The following TTC3 variants were observed in gnomAD, a reference collection of about 807,000 sequenced individuals.
TTC3 encodes the protein E3 ubiquitin-protein ligase TTC3.
TTC3 carries 180 observed loss-of-function variants against 249.6 expected under a neutral mutation model. The observed-to-expected ratio is 0.72, with a 90% CI of 0.64 to 0.82. The LOEUF is 0.82. Among genes scored for constraint, TTC3 ranks in the 40% least tolerant of loss-of-function variants. The pLI, the probability that TTC3 is intolerant of heterozygous loss-of-function variation, is 0.00. For synonymous variants in TTC3, 717 were observed against 805.0 expected, an observed-to-expected ratio of 0.89 and a Z score of 1.85; for missense variants, 2,061 against 2,398.4, an observed-to-expected ratio of 0.86 and a Z score of 2.94.
intron 39 of TTC3, among the ~76,000 whole-genome samples, chr21:37,190,130 CTTTTTTTTTTTTTT>C (rs138862573): frequency 4.6e-5 from 3 of 65,048 alleles, no homozygotes; most frequent in Non-Finnish European, 8.3e-5. Flanking sequence ...CTTTTTCTTT[CTTTTTTTTTTTTTT>C]TTTTTTTTTT....
intron 1 of TTC3, among the ~76,000 whole-genome samples, chr21:37,077,954 T>C (rs1035529880): frequency 6.6e-6 from 1 of 152,208 alleles, no homozygotes; most frequent in Non-Finnish European, 1.5e-5. Flanking sequence ...TGTTTCTTTT[T>C]AGAGGTTTTA....
chr21:37,166,226 G>A (rs757861146), exon 33 of TTC3: 20 of 1,613,974 alleles, frequency 1.2e-5, no homozygotes, highest in Non-Finnish European at 1.4e-5. Context: ...ATACATAAAC[G>A]TGTTACCAGG....
At chr21:37,080,317 T>G (rs2071454698) in intron 1 of TTC3, among the ~76,000 whole-genome samples, 1 of 152,144 alleles carries the variant, frequency 6.6e-6, no homozygotes, top group African/African-American at 2.4e-5. Flanking sequence ...TGTTTTCCTT[T>G]AATTATCGAT....
At chr21:37,183,455 A>G (rs542704623) in intron 36 of TTC3, among the ~76,000 whole-genome samples, 2 of 152,126 alleles carry the variant, frequency 1.3e-5, no homozygotes, top group Non-Finnish European at 2.9e-5. Flanking sequence ...CTTAACAGTG[A>G]TAGGTCAAAT....
chr21:37,098,951 G>A (rs1346627307), intron 10 of TTC3: 2 of 152,078 alleles, frequency 1.3e-5, no homozygotes, highest in Non-Finnish European at 2.9e-5. Context: ...GGGACAGCTG[G>A]GGGTAAAGCA....
At chr21:37,141,415 C>CCCA (rs1555887998) in intron 20 of TTC3, among the ~76,000 whole-genome samples, 2,005 of 151,694 alleles carry the variant, frequency 0.013, 60 homozygotes, top group African/African-American at 0.047. Flanking sequence ...TGGGGAATCC[C>CCCA]CCCCCCAGCC....
chr21:37,082,714 G>GA, intron 1 of TTC3: 1 of 817,072 alleles, frequency 1.2e-6, no homozygotes, highest in Non-Finnish European at 1.5e-6. Context: ...TCCAAAAAGT[G>GA]TTTTTTTTTT....
intron 7 of TTC3, 25 bp from the exon 8 acceptor site, chr21:37,093,980 G>C: frequency 6.9e-7 from 1 of 1,439,904 alleles, no homozygotes; most frequent in Non-Finnish European, 9.7e-7. Flanking sequence ...GTTCTCTCTT[G>C]CTCTCTCCTA....
chr21:37,124,314 A>G (rs570792735), intron 13 of TTC3, among the ~76,000 whole-genome samples: 1 of 151,446 alleles, frequency 6.6e-6, no homozygotes, highest in Admixed American at 6.6e-5. Flanking sequence ...CGGGGGTCTC[A>G]CCATGTTGGC....
intron 34 of TTC3, among the ~76,000 whole-genome samples, chr21:37,171,495 A>G (rs1047545848): frequency 5.9e-5 from 9 of 152,224 alleles, no homozygotes; most frequent in Non-Finnish European, 2.9e-5. Context: ...TAGAGGTGGC[A>G]TTTAGCTTCC....
chr21:37,116,833 AT>A (rs35581797), intron 11 of TTC3, among the ~76,000 whole-genome samples: 132 of 151,470 alleles, frequency 8.7e-4, no homozygotes, highest in South Asian at 4.0e-3. Flanking sequence ...AAATAAATAA[AT>A]TTTTTTTTAA....
At chr21:37,118,770 C>T (rs951620231) in intron 11 of TTC3, among the ~76,000 whole-genome samples, 11 of 152,140 alleles carry the variant, frequency 7.2e-5, no homozygotes, top group Admixed American at 1.3e-4. Flanking sequence ...CTGATTTTTA[C>T]ATGGATTCTC....
chr21:37,119,113 G>C (rs2147857107), intron 11 of TTC3, among the ~76,000 whole-genome samples: 1 of 152,256 alleles, frequency 6.6e-6, no homozygotes, highest in South Asian at 2.1e-4. Flanking sequence ...ATTTTACCTT[G>C]TTTGGTGCTG....
At chr21:37,095,256 G>T in intron 8 of TTC3, 94 bp from the exon 9 acceptor site, 5 of 711,194 alleles carry the variant, frequency 7.0e-6, no homozygotes, top group East Asian at 2.8e-5. Context: ...TTCTGATATC[G>T]AAGATAGAAA....
exon 33 of TTC3, chr21:37,165,695 C>T (rs1417392246): frequency 2.5e-6 from 4 of 1,613,700 alleles, no homozygotes; most frequent in East Asian, 2.2e-5. Flanking sequence ...GGGATGCCCT[C>T]GTTTTGTTGT....
At chr21:37,109,783 C>T (rs2075467106) in intron 11 of TTC3, among the ~76,000 whole-genome samples, 2 of 152,234 alleles carry the variant, frequency 1.3e-5, no homozygotes, top group Non-Finnish European at 2.9e-5. Flanking sequence ...TCCCTGACCC[C>T]CGAGTAGCCT....
chr21:37,144,723 A>G, intron 21 of TTC3, 78 bp downstream of exon 21: 1 of 1,525,450 alleles, frequency 6.6e-7, no homozygotes, highest in South Asian at 1.3e-5. Flanking sequence ...CAGGAGGCGG[A>G]GAGGTAGGAG....
chr21:37,142,011 T>C (rs2078517269), intron 20 of TTC3, among the ~76,000 whole-genome samples: 1 of 152,164 alleles, frequency 6.6e-6, no homozygotes, highest in South Asian at 2.1e-4. Flanking sequence ...CGCATGATTA[T>C]CTCAATAGAT....
rs58371833 is a variant in TTC3 at position 37,175,315 on chromosome 21, C to T, written c.4617+2571C>T. 6.6e-3 allele frequency among the ~76,000 whole-genome samples: 944 copies of T among 143,580 alleles called. 11 individuals are homozygous for T. Among genetic ancestry groups the T allele is most frequent in the African/African-American group, 0.023 (879 of 38,684 alleles). The allele number at this position is 143,580 out of a possible 152,430, so 94.2% of individuals were successfully genotyped here. A position where few individuals can be genotyped will look rare whatever the true frequency, so the allele number is the denominator to read the frequency against. Reference sequence around the variant, plus strand: ...ATGCTTAGCATATACAGGCCGGGCACGGTGGCTTACACCTGTAATCCTTGT... The same window carrying T: ...ATGCTTAGCATATACAGGCCGGGCATGGTGGCTTACACCTGTAATCCTTGT... On this transcript the variant is annotated intron_variant, in intron 35 of 45. Coordinates refer to ENST00000355666, the Ensembl canonical transcript of TTC3.
Sources: gnomAD v4.1 joint callset for allele counts (sites outside exome capture counted in the v4.1 genomes callset) on GRCh38, gnomAD v4.1.1 for gene constraint, MANE v1.5 for transcripts, NCBI Gene and HGNC (gene_info 2026-07-23, HGNC 2026-07-21) for gene names.